The following NAALADL2 variants were observed in gnomAD, a reference collection of about 807,000 sequenced individuals.
NAALADL2 encodes N-acetylated alpha-linked acidic dipeptidase like 2, also known as inactive N-acetylated-alpha-linked acidic dipeptidase-like protein 2.
Under a neutral mutation model 87.2 loss-of-function variants are expected in NAALADL2, and 76 were observed. The ratio of observed to expected loss-of-function variants is 0.87; its 90% confidence interval spans 0.72 to 1.05. NAALADL2 has a LOEUF of 1.05. NAALADL2 is among the 50% of genes least tolerant of loss of function. The pLI is 0.00. For missense variants in NAALADL2, 1,089 were observed against 945.8 expected, an observed-to-expected ratio of 1.15 and a Z score of -1.99; for synonymous variants, 354 against 331.0, an observed-to-expected ratio of 1.07 and a Z score of -0.75.
At chr3:174,907,207 G>C (rs542321374) in intron 1 of NAALADL2, among the ~76,000 whole-genome samples, 1 of 151,688 alleles carries the variant, frequency 6.6e-6, no homozygotes. Flanking sequence ...GCACTGGAAT[G>C]TATCTTAAAT....
chr3:175,511,673 T>C (rs1731176909), intron 9 of NAALADL2, among the ~76,000 whole-genome samples: 1 of 152,204 alleles, frequency 6.6e-6, no homozygotes, highest in Admixed American at 6.6e-5. Context: ...TCCCACAGTT[T>C]AGTCAGGTGG....
At chr3:174,522,933 CAAAAAAAAAAAAAA>C (rs57653560) in intron 1 of NAALADL2, among the ~76,000 whole-genome samples, 1 of 75,838 alleles carries the variant, frequency 1.3e-5, no homozygotes, top group East Asian at 4.6e-4. Context: ...GACTCTGTCT[CAAAAAAAAAAAAAA>C]AAAAAAAAAA....
chr3:175,503,103 C>A (rs930977262), intron 9 of NAALADL2, among the ~76,000 whole-genome samples: 2 of 151,916 alleles, frequency 1.3e-5, no homozygotes, highest in African/African-American at 4.8e-5. Flanking sequence ...CTCAAGTAGG[C>A]CTTGGTGTCT....
intron 2 of NAALADL2, among the ~76,000 whole-genome samples, chr3:175,148,598 T>C (rs1483117723): frequency 6.6e-6 from 1 of 152,122 alleles, no homozygotes; most frequent in African/African-American, 2.4e-5. Context: ...CTCTAATTCA[T>C]CTTAGTTAGT....
At chr3:175,555,901 A>G (rs1291553611) in intron 9 of NAALADL2, among the ~76,000 whole-genome samples, 2 of 152,142 alleles carry the variant, frequency 1.3e-5, no homozygotes, top group Non-Finnish European at 2.9e-5. Context: ...TGAATGTTTG[A>G]GATTGGAACT....
At chr3:175,533,222 T>C (rs1734340350) in intron 9 of NAALADL2, among the ~76,000 whole-genome samples, 1 of 152,212 alleles carries the variant, frequency 6.6e-6, no homozygotes. Context: ...TACATTCCCA[T>C]GCCTGTTCTC....
At chr3:175,492,737 A>G (rs1728279724) in intron 9 of NAALADL2, among the ~76,000 whole-genome samples, 1 of 152,166 alleles carries the variant, frequency 6.6e-6, no homozygotes, top group Non-Finnish European at 1.5e-5. Flanking sequence ...AAACATCTGT[A>G]TAGGTATATA....
chr3:175,498,663 T>G (rs866236832), intron 9 of NAALADL2, among the ~76,000 whole-genome samples: 1 of 152,052 alleles, frequency 6.6e-6, no homozygotes, highest in Non-Finnish European at 1.5e-5. Context: ...TACTTAAGAG[T>G]TGGACTTTAT....
At chr3:175,280,383 T>A (rs1754134220) in intron 4 of NAALADL2, among the ~76,000 whole-genome samples, 1 of 152,130 alleles carries the variant, frequency 6.6e-6, no homozygotes, top group Non-Finnish European at 1.5e-5. Flanking sequence ...CATTAAAGAT[T>A]TTATCAAGAA....
Position 175,270,900 on chromosome 3 carries a change from G to A in NAALADL2, c.939+14370G>A, listed in dbSNP as rs1033610965. Among the ~76,000 whole-genome samples the A allele has an allele frequency of 2.0e-5, 3 of 152,186 alleles. No individual in the cohort carries two copies. The South Asian group carries it at 6.2e-4, about 31-fold the overall frequency. The stretch of plus-strand genomic sequence containing the variant: ...GTTTGTGAGTAAATGAATTGAAAAT[G>A]ACAGGATTATTTTATTGCACTAAAT... On this transcript the variant is annotated intron_variant, in intron 4 of 13. Coordinates refer to ENST00000454872, the MANE Select transcript of NAALADL2 (RefSeq NM_207015.3).
intron 10 of NAALADL2, among the ~76,000 whole-genome samples, chr3:175,595,372 T>G (rs1378093430): frequency 6.6e-6 from 1 of 151,958 alleles, no homozygotes; most frequent in South Asian, 2.1e-4. Flanking sequence ...GTTTTTGTAC[T>G]AGTACCTTGC....
intron 2 of NAALADL2, among the ~76,000 whole-genome samples, chr3:174,685,790 T>C (rs541317854): frequency 6.6e-6 from 1 of 152,216 alleles, no homozygotes; most frequent in Non-Finnish European, 1.5e-5. Flanking sequence ...CTAGTACTCA[T>C]TAGTTATTTT....
chr3:174,890,209 T>A lies in NAALADL2; in HGVS notation c.43+30759T>A, dbSNP rs147899802. On this transcript the variant is annotated intron_variant, in intron 1 of 13. Transcript: ENST00000454872. The stretch of plus-strand genomic sequence containing the variant: ...AAAAAGAAATTTCTGCATTTGACAT[T>A]ATTTAGTTGAAGTTACAATATATTG... Among the ~76,000 whole-genome samples, 281 of 152,316 alleles carry A rather than the reference T, an allele frequency of 1.8e-3. 1 individual carries two copies. The highest frequency in any genetic ancestry group is 5.7e-3 in the African/African-American group (237 of 41,568).
chr3:175,015,092 C>T (rs1303934249), intron 1 of NAALADL2, among the ~76,000 whole-genome samples: 3 of 151,816 alleles, frequency 2.0e-5, no homozygotes, highest in Non-Finnish European at 2.9e-5. Flanking sequence ...TTCATGGAAG[C>T]GTAGACATAT....
At chr3:175,587,488 A>G (rs1720701864) in intron 10 of NAALADL2, among the ~76,000 whole-genome samples, 1 of 152,220 alleles carries the variant, frequency 6.6e-6, no homozygotes, top group Non-Finnish European at 1.5e-5. Flanking sequence ...AACATGAGGC[A>G]ATGGTAGCAA....
chr3:175,618,161 G>A (rs1472054162), intron 10 of NAALADL2, among the ~76,000 whole-genome samples: 1 of 152,164 alleles, frequency 6.6e-6, no homozygotes, highest in African/African-American at 2.4e-5. Flanking sequence ...TTAAATTCTG[G>A]AAAGCCTCTA....
At chr3:175,454,855 G>A (rs1254688703) in intron 6 of NAALADL2, among the ~76,000 whole-genome samples, 1 of 151,908 alleles carries the variant, frequency 6.6e-6, no homozygotes, top group Non-Finnish European at 1.5e-5. Flanking sequence ...GGAAAATTGT[G>A]TAGATTGATT....
intron 2 of NAALADL2, among the ~76,000 whole-genome samples, chr3:175,189,671 C>G (rs1737858922): frequency 6.6e-6 from 1 of 152,046 alleles, no homozygotes; most frequent in Non-Finnish European, 1.5e-5. Flanking sequence ...CAGTGCAATT[C>G]CTGTCAAGAT....
chr3:175,203,392 C>T (rs1175692003), intron 2 of NAALADL2, among the ~76,000 whole-genome samples: 1 of 152,132 alleles, frequency 6.6e-6, no homozygotes, highest in East Asian at 1.9e-4. Context: ...GAAACTTCTC[C>T]CACAAACAGA....
Sources: gnomAD v4.1 joint callset for allele counts (sites outside exome capture counted in the v4.1 genomes callset) on GRCh38, gnomAD v4.1.1 for gene constraint, MANE v1.5 for transcripts, NCBI Gene and HGNC (gene_info 2026-07-23, HGNC 2026-07-21) for gene names.